CALN1: variants seen among roughly 807,000 people sequenced by gnomAD.
The protein encoded by CALN1 is calcium-binding protein 8.
A neutral mutation model predicts 30.6 loss-of-function variants in CALN1; 17 were observed. That is an observed-to-expected ratio of 0.56 (90% CI 0.38 to 0.83). CALN1 has a LOEUF of 0.83. Among genes scored for constraint, CALN1 ranks in the 40% least tolerant of loss-of-function variants. The pLI is 0.00. For synonymous variants in CALN1, 156 were observed against 131.4 expected (o/e 1.19, Z -1.28); for missense variants, 291 against 354.9 (o/e 0.82, Z 1.45).
intron 5 of CALN1, among the ~76,000 whole-genome samples, chr7:71,903,889 C>T (rs1793992969): frequency 1.3e-5 from 2 of 151,912 alleles, no homozygotes; most frequent in Admixed American, 1.3e-4. Flanking sequence ...AGGCAAAAGA[C>T]CTGAATAGAT....
At chr7:72,169,477 AC>A (rs1224962208) in intron 3 of CALN1, among the ~76,000 whole-genome samples, 1 of 118,544 alleles carries the variant, frequency 8.4e-6, no homozygotes, top group Non-Finnish European at 1.7e-5. Flanking sequence ...ATGCCACCAC[AC>A]CCAGCTGATT....
At chr7:71,901,054 T>G (rs1793820646) in intron 5 of CALN1, among the ~76,000 whole-genome samples, 1 of 152,002 alleles carries the variant, frequency 6.6e-6, no homozygotes, top group Non-Finnish European at 1.5e-5. Flanking sequence ...GCTATCCGAG[T>G]GTACTTTTGC....
intron 5 of CALN1, among the ~76,000 whole-genome samples, chr7:71,999,438 A>G (rs1245259151): frequency 6.6e-6 from 1 of 152,218 alleles, no homozygotes; most frequent in Non-Finnish European, 1.5e-5. Flanking sequence ...ATCAGTATGT[A>G]TACAGAGAAC....
At chr7:72,100,680 C>T (rs530894028) in intron 4 of CALN1, among the ~76,000 whole-genome samples, 1 of 151,572 alleles carries the variant, frequency 6.6e-6, no homozygotes, top group Non-Finnish European at 1.5e-5. Context: ...ACTAGCCGGG[C>T]GTGGTGGCGG....
At chr7:72,405,310 G>A (rs1425163291) in intron 1 of CALN1, among the ~76,000 whole-genome samples, 2 of 152,164 alleles carry the variant, frequency 1.3e-5, no homozygotes, top group Non-Finnish European at 2.9e-5. Context: ...AACAGCACTG[G>A]TCTTCAGATG....
intron 3 of CALN1, among the ~76,000 whole-genome samples, chr7:72,199,838 A>AAAC (rs940939631): frequency 6.6e-6 from 1 of 152,022 alleles, no homozygotes; most frequent in Non-Finnish European, 1.5e-5. Context: ...CCAACAAACA[A>AAAC]AACAACAACA....
At chr7:72,307,178 A>C (rs768381655) in intron 2 of CALN1, among the ~76,000 whole-genome samples, 24 of 152,208 alleles carry the variant, frequency 1.6e-4, no homozygotes, top group Non-Finnish European at 3.2e-4. Context: ...TCAAGCAGAA[A>C]GGTACAGGAC....
At chr7:71,823,882 AAG>A (rs1331652220) in intron 5 of CALN1, among the ~76,000 whole-genome samples, 1 of 152,186 alleles carries the variant, frequency 6.6e-6, no homozygotes, top group Non-Finnish European at 1.5e-5. Flanking sequence ...GGTGGCAGGT[AAG>A]AGAGAGAACT....
chr7:72,173,118 G>C (rs1429187811), intron 3 of CALN1, among the ~76,000 whole-genome samples: 1 of 151,742 alleles, frequency 6.6e-6, no homozygotes, highest in African/African-American at 2.4e-5. Context: ...CAAGGTCATA[G>C]GATACAAGGT....
At chr7:71,893,560 G>A (rs554181684) in intron 5 of CALN1, among the ~76,000 whole-genome samples, 9 of 152,106 alleles carry the variant, frequency 5.9e-5, no homozygotes, top group South Asian at 2.1e-4. Flanking sequence ...GTGTGGTGGC[G>A]TGCACATGTA....
chr7:72,215,296 T>C (rs9638643), intron 3 of CALN1, among the ~76,000 whole-genome samples: 42,289 of 151,848 alleles, frequency 0.28, 7,579 homozygotes, highest in East Asian at 0.87. Flanking sequence ...CTGTTGAACA[T>C]TAAAGACAAA....
intron 3 of CALN1, among the ~76,000 whole-genome samples, chr7:72,200,548 A>T (rs183990939): frequency 6.6e-6 from 1 of 152,182 alleles, no homozygotes; most frequent in Non-Finnish European, 1.5e-5. Flanking sequence ...GAGTAGCTCC[A>T]TAACTAGCTC....
chr7:72,097,092 A>G (rs1435346619), intron 4 of CALN1, among the ~76,000 whole-genome samples: 1 of 150,500 alleles, frequency 6.6e-6, no homozygotes, highest in Non-Finnish European at 1.5e-5. Flanking sequence ...TCTCACTCAT[A>G]GGTGGGAATT....
intron 5 of CALN1, among the ~76,000 whole-genome samples, chr7:71,922,894 A>G (rs1345018165): frequency 2.1e-5 from 3 of 144,728 alleles, no homozygotes; most frequent in Non-Finnish European, 3.0e-5. Context: ...ATATTAATAT[A>G]TATGTATATA....
chr7:72,212,380 G>C (rs538034944), intron 3 of CALN1, among the ~76,000 whole-genome samples: 19 of 151,036 alleles, frequency 1.3e-4, no homozygotes, highest in African/African-American at 4.6e-4. Flanking sequence ...CCAGAGGGGG[G>C]AAGAATCTAC....
At chr7:72,219,740 G>GCA (rs34821165) in intron 3 of CALN1, among the ~76,000 whole-genome samples, 8,222 of 150,680 alleles carry the variant, frequency 0.055, 288 homozygotes, top group Non-Finnish European at 0.08. Flanking sequence ...AAGCATGCAC[G>GCA]CACACACACA....
At chr7:72,212,305 G>A (rs1374098711) in intron 3 of CALN1, among the ~76,000 whole-genome samples, 1 of 149,286 alleles carries the variant, frequency 6.7e-6, no homozygotes, top group Non-Finnish European at 1.5e-5. Context: ...AGCGGAGACT[G>A]TGGCACTGCA....
intron 3 of CALN1, among the ~76,000 whole-genome samples, chr7:72,228,896 G>C (rs1793881272): frequency 6.6e-6 from 1 of 150,920 alleles, no homozygotes; most frequent in Non-Finnish European, 1.5e-5. Context: ...TGAGTAGCTG[G>C]GACTACAGGC....
intron 1 of CALN1, among the ~76,000 whole-genome samples, chr7:72,404,353 T>TG (rs2129562202): frequency 6.6e-6 from 1 of 152,356 alleles, no homozygotes; most frequent in African/African-American, 2.4e-5. Flanking sequence ...GCTCAATAAA[T>TG]ATGTATTGAA....
Sources: allele counts gnomAD v4.1 joint callset (sites outside exome capture counted in the v4.1 genomes callset), GRCh38; gene constraint gnomAD v4.1.1; transcripts MANE v1.5; gene names NCBI Gene and HGNC (gene_info 2026-07-23, HGNC 2026-07-21).